SLC7A13: variants seen among roughly 807,000 people sequenced by gnomAD.
SLC7A13 encodes the protein X-amino acid transporter 2.
SLC7A13 carries 31 observed loss-of-function variants against 32.0 expected under a neutral mutation model. The observed-to-expected ratio is 0.97, with a 90% CI of 0.73 to 1.31. SLC7A13 has a LOEUF of 1.31. Among genes scored for constraint, SLC7A13 ranks in the 50% most tolerant of loss-of-function variants. SLC7A13 has a pLI of 0.00. For synonymous variants in SLC7A13, 232 were observed against 206.9 expected (o/e 1.12, Z -1.04); for missense variants, 633 against 546.9 (o/e 1.16, Z -1.57).
At chr8:86,225,233 T>C (rs1371256622) in intron 1 of SLC7A13, among the ~76,000 whole-genome samples, 2 of 152,176 alleles carry the variant, frequency 1.3e-5, no homozygotes, top group Non-Finnish European at 2.9e-5. Context: ...AGGGGTTGGA[T>C]CTAATGCCCA....
chr8:86,229,907 A>T lies in SLC7A13; in HGVS notation c.371T>A (p.Phe124Tyr), dbSNP rs752520540. ...LLAEYSIQPF[F>Y]PSCSVPKLPK... ...CAGCTTTGGGACAGAGCAGCTGGGA[A>T]AAAAAGGCTGGATGCTGTACTCAGC... The change falls in exon 1 of 4, where the codon TTT becomes TAT. Residue 124 changes from phenylalanine (F) to tyrosine (Y), a missense_variant. Transcript: ENST00000297524. 2 of 1,614,178 alleles carry T rather than the reference A, an allele frequency of 1.2e-6. No homozygotes were observed. The highest frequency in any genetic ancestry group is 2.2e-5 in the East Asian group (1 of 44,890).
At chr8:86,214,766 T>C in intron 3 of SLC7A13, 120 bp from the exon 4 acceptor site, 1 of 723,868 alleles carries the variant, frequency 1.4e-6, no homozygotes, top group Non-Finnish European at 2.2e-6. Context: ...CTAAATTAGC[T>C]GTAAAGTTGA....
At chr8:86,217,255 T>C (rs1820199053) in intron 3 of SLC7A13, among the ~76,000 whole-genome samples, 1 of 152,188 alleles carries the variant, frequency 6.6e-6, no homozygotes, top group African/African-American at 2.4e-5. Context: ...TTTTTCTCTC[T>C]AATAAACCGT....
intron 2 of SLC7A13, among the ~76,000 whole-genome samples, chr8:86,218,283 T>G (rs186225790): frequency 6.8e-4 from 103 of 152,314 alleles, no homozygotes; most frequent in Admixed American, 2.0e-3. Flanking sequence ...GCAACACTAC[T>G]GACACCAGAA....
chr8:86,216,929 A>G (rs1820191097), intron 3 of SLC7A13, among the ~76,000 whole-genome samples: 1 of 152,190 alleles, frequency 6.6e-6, no homozygotes, highest in Non-Finnish European at 1.5e-5. Context: ...TTCTTATGCT[A>G]CCAAGTTTTG....
intron 1 of SLC7A13, among the ~76,000 whole-genome samples, chr8:86,226,453 T>C (rs773654530): frequency 6.6e-6 from 1 of 152,224 alleles, no homozygotes; most frequent in Non-Finnish European, 1.5e-5. Context: ...CAACCAGTCC[T>C]CATGATCCTT....
rs183201571 is a variant in SLC7A13, at chr8:86,227,568, A to C, written c.685+2025T>G. On this transcript the variant is annotated intron_variant, in intron 1 of 3. Transcript: ENST00000297524. The stretch of plus-strand genomic sequence containing the variant: ...ACAAAAAACAGAACTACCATTTGAC[A>C]CAGCAATTCCACTACTGCGTCTCTA... Among the ~76,000 whole-genome samples the C allele has an allele frequency of 1.1e-3, 161 of 152,304 alleles. 1 individual carries two copies. The highest frequency in any genetic ancestry group is 3.7e-3 in the African/African-American group (152 of 41,570).
intron 3 of SLC7A13, chr8:86,215,643 G>C (rs887825219): frequency 7.1e-5 from 31 of 438,002 alleles, no homozygotes; most frequent in African/African-American, 6.0e-4. Flanking sequence ...CCAAGATCAT[G>C]CCACTGCACT....
intron 3 of SLC7A13, among the ~76,000 whole-genome samples, chr8:86,216,876 A>T (rs1820189997): frequency 6.6e-6 from 1 of 152,210 alleles, no homozygotes; most frequent in Non-Finnish European, 1.5e-5. Flanking sequence ...TTATTTTATT[A>T]TTCTGATAAT....
intron 1 of SLC7A13, 69 bp from the exon 2 acceptor site, chr8:86,223,172 A>G (rs1820334815): frequency 1.4e-6 from 2 of 1,400,754 alleles, no homozygotes; most frequent in Non-Finnish European, 1.9e-6. Context: ...TTTTTAGATT[A>G]TTATTTTTGT....
At chr8:86,218,800 A>G (rs966361791) in intron 2 of SLC7A13, among the ~76,000 whole-genome samples, 9 of 152,102 alleles carry the variant, frequency 5.9e-5, no homozygotes, top group African/African-American at 1.9e-4. Flanking sequence ...GATATATGCT[A>G]GGACAGATCA....
At chr8:86,226,945 T>C (rs1184023223) in intron 1 of SLC7A13, among the ~76,000 whole-genome samples, 1 of 152,222 alleles carries the variant, frequency 6.6e-6, no homozygotes, top group Non-Finnish European at 1.5e-5. Context: ...GTTATGGCTA[T>C]CTATTAAATA....
rs1166474985 is a variant in SLC7A13 at position 86,229,836 on chromosome 8, GAATTCCTAC to G, written c.433_441del (p.Val145_Ile147del). The G allele has an allele frequency of 6.2e-7, 1 of 1,614,050 alleles. No homozygotes were observed. The highest frequency in any genetic ancestry group is 8.5e-7 in the Non-Finnish European group (1 of 1,180,046). ...ACTTCTTTCACACCACGAGAAGTCA[GAATTCCTAC>G]AATCCACAACATGGCCAATGCCAGA... On this transcript the variant is annotated inframe_deletion, in exon 1 of 4. Coordinates refer to ENST00000297524, the MANE Select transcript of SLC7A13 (RefSeq NM_138817.3).
rs779926179 is a variant in SLC7A13 at position 86,217,756 on chromosome 8, G to A, written c.893C>T (p.Ser298Leu). The A allele has an allele frequency of 2.9e-5, 47 of 1,612,974 alleles. No individual in the cohort carries two copies. Among genetic ancestry groups the A allele is most frequent in the Admixed American group, 1.3e-4 (8 of 59,892 alleles). ...AWIMPFAISTSLFSNLLISIF... is the reference protein window; with the variant it reads ...AWIMPFAISTLLFSNLLISIF... ...AGAAATCAGAAGGTTGCTAAATAAT[G>A]AGGTAGAAATAGCAAAAGGCATAAT... The change falls in exon 3 of 4, where the codon TCA becomes TTA. Residue 298 changes from serine to leucine, a missense_variant. Transcript: ENST00000297524.
intron 1 of SLC7A13, among the ~76,000 whole-genome samples, chr8:86,224,929 A>G (rs944031284): frequency 6.6e-6 from 1 of 151,884 alleles, no homozygotes; most frequent in Non-Finnish European, 1.5e-5. Flanking sequence ...GGGTCTCGCT[A>G]TGTTGCCTGG....
intron 3 of SLC7A13, among the ~76,000 whole-genome samples, chr8:86,216,214 C>A (rs974625461): frequency 6.6e-6 from 1 of 152,130 alleles, no homozygotes; most frequent in African/African-American, 2.4e-5. Context: ...CAGAAAACAG[C>A]AAAAGACATG....
rs1181166092 is a variant in SLC7A13, at chr8:86,229,595, G to A, written c.683C>T (p.Ala228Val). 6.8e-6 allele frequency: 11 copies of A among 1,610,960 alleles called. No homozygotes were observed. The Admixed American group carries it at 1.8e-4, about 27-fold the overall frequency. The change falls in exon 1 of 4, where the codon GCA (alanine) becomes GTA (valine). Residue 228 changes from alanine (A) to valine (V), a missense_variant and splice_region_variant. Ala to Val is a moderately conservative substitution (Grantham distance 64, BLOSUM62 0). Coordinates refer to ENST00000297524, the MANE Select transcript of SLC7A13 (RefSeq NM_138817.3). ...YSGGACFTLI[A>V]GELKKPRTTI... The stretch of plus-strand genomic sequence containing the variant: ...TTTTTTCCTCAATGGATTGTTACCT[G>A]CTATAAGTGTAAAGCATGCCCCGCC...
chr8:86,217,648 G>A lies in SLC7A13; in HGVS notation c.1001C>T (p.Ser334Phe), dbSNP rs1430272958. ...TAGTAGCACAGCTGTAAATGGAGAA[G>A]AGTGACTATTAAGTGTATTAAATAG... ...PLLFNTLNSH[S>F]SPFTAVLLLV... Residue 334 changes from serine (S) to phenylalanine (F), a missense_variant, in exon 3 of 4, where the codon TCT (serine) becomes TTT (phenylalanine). By Grantham distance (155) the Ser-to-Phe change is radical (BLOSUM62 -2). Coordinates refer to ENST00000297524, the MANE Select transcript of SLC7A13 (RefSeq NM_138817.3). 1.2e-6 allele frequency: 2 copies of A among 1,613,212 alleles called. No homozygotes were observed. Among genetic ancestry groups the A allele is most frequent in the East Asian group, 4.5e-5 (2 of 44,864 alleles).
chr8:86,225,944 G>T (rs1245221274), intron 1 of SLC7A13, among the ~76,000 whole-genome samples: 1 of 151,996 alleles, frequency 6.6e-6, no homozygotes, highest in East Asian at 1.9e-4. Flanking sequence ...AAAAAGATGG[G>T]TATTCCTACA....
Sources: gnomAD v4.1 joint callset for allele counts (sites outside exome capture counted in the v4.1 genomes callset) on GRCh38, gnomAD v4.1.1 for gene constraint, MANE v1.5 for transcripts, NCBI Gene and HGNC (gene_info 2026-07-23, HGNC 2026-07-21) for gene names.